The following ZNF722 variants were observed in gnomAD, a reference collection of about 807,000 sequenced individuals.
ZNF722 encodes the protein zinc finger protein 722, also known as zinc finger protein 479 pseudogene.
chr7:64,004,514 ATGT>A, the ZNF722 span, among the ~76,000 whole-genome samples: 1 of 147,768 alleles, frequency 6.8e-6, no homozygotes, highest in South Asian at 2.1e-4. Context: ...CACAGCAGTG[ATGT>A]TGTGTCCTGT....
At chr7:64,000,132 T>TTTTTGTG in the ZNF722 span, among the ~76,000 whole-genome samples, 1 of 139,772 alleles carries the variant, frequency 7.2e-6, no homozygotes, top group African/African-American at 2.7e-5. Flanking sequence ...TTTTTTTTTT[T>TTTTTGTG]TGTGTGTGTG....
the ZNF722 span, chr7:64,016,050 C>T: frequency 3.0e-6 from 2 of 659,200 alleles, no homozygotes. Context: ...TAAGAGAATC[C>T]ATATTGGACA....
the ZNF722 span, chr7:64,015,227 C>G: frequency 8.1e-7 from 1 of 1,236,194 alleles, no homozygotes; most frequent in Non-Finnish European, 1.2e-6. Context: ...ATACCCAAAA[C>G]AAAATATTTC....
chr7:64,012,408 G>GT, the ZNF722 span, among the ~76,000 whole-genome samples: 1 of 152,214 alleles, frequency 6.6e-6, no homozygotes, highest in East Asian at 1.9e-4. Flanking sequence ...CATCTTTGTG[G>GT]TTTTATCTAC....
the ZNF722 span, among the ~76,000 whole-genome samples, chr7:64,004,339 G>A: frequency 6.8e-6 from 1 of 147,950 alleles, no homozygotes; most frequent in Non-Finnish European, 1.5e-5. Context: ...AACTCAGGAG[G>A]TGGAGGTTGC....
chr7:64,007,255 TTTATAC>T, the ZNF722 span, among the ~76,000 whole-genome samples: 3 of 148,510 alleles, frequency 2.0e-5, no homozygotes, highest in African/African-American at 7.5e-5. Context: ...TATATATATA[TTTATAC>T]TTTAAGTTCT....
the ZNF722 span, among the ~76,000 whole-genome samples, chr7:64,014,529 G>C: frequency 1.7e-4 from 26 of 152,046 alleles, no homozygotes; most frequent in African/African-American, 6.3e-4. Flanking sequence ...TGGGAGTCTT[G>C]CAAACATGTT....
chr7:64,013,407 T>C, the ZNF722 span, among the ~76,000 whole-genome samples: 1 of 152,074 alleles, frequency 6.6e-6, no homozygotes, highest in South Asian at 2.1e-4. Flanking sequence ...CTTTGTCTCA[T>C]GCTAGTAATT....
At chr7:64,017,460 A>G in the ZNF722 span, among the ~76,000 whole-genome samples, 1 of 152,184 alleles carries the variant, frequency 6.6e-6, no homozygotes, top group African/African-American at 2.4e-5. Flanking sequence ...TAAAGTAAAG[A>G]CTATTTATTC....
chr7:64,009,724 C>G, the ZNF722 span, among the ~76,000 whole-genome samples: 2 of 152,242 alleles, frequency 1.3e-5, no homozygotes, highest in African/African-American at 2.4e-5. Context: ...GTGTCTCTGC[C>G]AGGCTTTGGT....
At chr7:64,014,374 G>C in the ZNF722 span, among the ~76,000 whole-genome samples, 1 of 151,414 alleles carries the variant, frequency 6.6e-6, no homozygotes, top group East Asian at 1.9e-4. Flanking sequence ...TGATTTTTTT[G>C]ATTGGACCTT....
chr7:64,009,250 T>A, the ZNF722 span, among the ~76,000 whole-genome samples: 1 of 152,206 alleles, frequency 6.6e-6, no homozygotes, highest in Non-Finnish European at 1.5e-5. Flanking sequence ...TTTTCTTGCC[T>A]GATTGCCCTG....
chr7:64,017,728 G>A, the ZNF722 span, among the ~76,000 whole-genome samples: 1 of 152,152 alleles, frequency 6.6e-6, no homozygotes, highest in Non-Finnish European at 1.5e-5. Flanking sequence ...TAGAAAGAAT[G>A]AAGGCACTGA....
the ZNF722 span, among the ~76,000 whole-genome samples, chr7:64,000,119 C>CTT: frequency 2.2e-4 from 32 of 142,800 alleles, no homozygotes; most frequent in African/African-American, 6.6e-4. Context: ...TTTTCCCTTA[C>CTT]TTTTTTTTTT....
At chr7:64,009,391 G>A in the ZNF722 span, among the ~76,000 whole-genome samples, 1 of 152,266 alleles carries the variant, frequency 6.6e-6, no homozygotes, top group Admixed American at 6.5e-5. Context: ...GTCATAAATA[G>A]CTCTTATTAT....
chr7:64,006,209 T>G, the ZNF722 span: 1,064 of 1,194,206 alleles, frequency 8.9e-4, 22 homozygotes, highest in East Asian at 0.028. Context: ...TTACTTTTTT[T>G]TCTTAATAAA....
the ZNF722 span, among the ~76,000 whole-genome samples, chr7:64,000,132 T>TGTGTG: frequency 7.3e-3 from 1,017 of 139,798 alleles, 18 homozygotes; most frequent in African/African-American, 0.025. Flanking sequence ...TTTTTTTTTT[T>TGTGTG]TGTGTGTGTG....
At chr7:64,012,552 A>G in the ZNF722 span, among the ~76,000 whole-genome samples, 1 of 151,982 alleles carries the variant, frequency 6.6e-6, no homozygotes, top group Non-Finnish European at 1.5e-5. Flanking sequence ...AGGACAAGTG[A>G]TCCTTCCACC....
the ZNF722 span, among the ~76,000 whole-genome samples, chr7:64,013,288 C>T: frequency 6.6e-6 from 1 of 151,530 alleles, no homozygotes; most frequent in Admixed American, 6.6e-5. Context: ...TCAATATTTG[C>T]TTTATATATT....
Sources: allele counts gnomAD v4.1 joint callset (sites outside exome capture counted in the v4.1 genomes callset), GRCh38; gene constraint gnomAD v4.1.1; transcripts MANE v1.5; gene names NCBI Gene and HGNC (gene_info 2026-07-23, HGNC 2026-07-21).